AGTPBP1: variants seen among roughly 807,000 people sequenced by gnomAD.
AGTPBP1 encodes ATP/GTP binding carboxypeptidase 1, also known as cytosolic carboxypeptidase 1.
Under a neutral mutation model 143.9 loss-of-function variants are expected in AGTPBP1, and 70 were observed. That is an observed-to-expected ratio of 0.49 (90% CI 0.40 to 0.59). AGTPBP1 has a LOEUF of 0.59. AGTPBP1 is among the 20% of genes least tolerant of loss of function. The probability of loss-of-function intolerance (pLI) is 0.00; values close to 1 mark genes in which losing one functional copy is unlikely to be tolerated. For synonymous variants in AGTPBP1, 463 were observed against 500.2 expected (o/e 0.93, Z 0.99); for missense variants, 1,229 against 1,464.5 (o/e 0.84, Z 2.62).
At chr9:85,691,861 T>TA (rs1835899692) in intron 3 of AGTPBP1, among the ~76,000 whole-genome samples, 1 of 152,058 alleles carries the variant, frequency 6.6e-6, no homozygotes, top group Admixed American at 6.6e-5. Flanking sequence ...TCACAAAATA[T>TA]AAAAAAAGTC....
At chr9:85,587,589 T>G (rs1828696282) in intron 21 of AGTPBP1, among the ~76,000 whole-genome samples, 1 of 152,120 alleles carries the variant, frequency 6.6e-6, no homozygotes, top group Non-Finnish European at 1.5e-5. Context: ...ACATATTAAC[T>G]AAGAAGAAAT....
intron 25 of AGTPBP1, among the ~76,000 whole-genome samples, chr9:85,563,159 A>T (rs1486236394): frequency 6.6e-6 from 1 of 152,198 alleles, no homozygotes. Flanking sequence ...GCTCAAACAG[A>T]CCAAGACAGA....
chr9:85,574,214 G>A (rs1827742122), intron 25 of AGTPBP1, among the ~76,000 whole-genome samples: 1 of 151,894 alleles, frequency 6.6e-6, no homozygotes, highest in African/African-American at 2.4e-5. Context: ...GTCCACTCAG[G>A]GTTAAATGGA....
At chr9:85,759,822 T>C in the AGTPBP1 span, among the ~76,000 whole-genome samples, 1 of 151,760 alleles carries the variant, frequency 6.6e-6, no homozygotes, top group Non-Finnish European at 1.5e-5. Context: ...AAAAAATCAG[T>C]GAATCAAGGA....
At chr9:85,784,706 T>G in the AGTPBP1 span, among the ~76,000 whole-genome samples, 1,264 of 152,150 alleles carry the variant, frequency 8.3e-3, 19 homozygotes, top group African/African-American at 0.028. Flanking sequence ...GTTATTTGAT[T>G]TTGAGAGAAT....
the AGTPBP1 span, among the ~76,000 whole-genome samples, chr9:85,785,423 T>C: frequency 6.6e-6 from 1 of 152,248 alleles, no homozygotes; most frequent in African/African-American, 2.4e-5. Flanking sequence ...TTTTTCATCA[T>C]ATTAGGTCTA....
chr9:85,737,399 A>C lies in AGTPBP1; in HGVS notation c.-34+4376T>G, dbSNP rs115034244. On this transcript the variant is annotated intron_variant, in intron 1 of 25. Transcript: ENST00000357081. ...TATTTTGGCAGAGGTTTTCTCAGAA[A>C]TGAATAAACTGAGCTTGTCACTTTA... Among the ~76,000 whole-genome samples, 647 of 152,322 alleles carry C rather than the reference A, an allele frequency of 4.2e-3. 11 individuals are homozygous for C. Among genetic ancestry groups the C allele is most frequent in the African/African-American group, 0.015 (613 of 41,568 alleles).
chr9:85,655,110 C>A, intron 11 of AGTPBP1, 33 bp downstream of exon 11: 6 of 1,496,084 alleles, frequency 4.0e-6, no homozygotes, highest in South Asian at 1.4e-5. Context: ...TTCTAAGAAC[C>A]CACAAAAAGC....
Position 85,697,188 on chromosome 9 carries a change from AT to A in AGTPBP1, c.33-4376del, listed in dbSNP as rs545573987. ...TCAACAATACAACACACACAAAAAA[AT>A]GTATGTGTATATATATTTACACATA... On this transcript the variant is annotated intron_variant, in intron 2 of 25. Coordinates refer to ENST00000357081, the MANE Select transcript of AGTPBP1 (RefSeq NM_001330701.2). Among the ~76,000 whole-genome samples the A allele has an allele frequency of 4.1e-3, 619 of 152,258 alleles. 2 individuals carry two copies. The highest frequency in any genetic ancestry group is 0.014 in the African/African-American group (589 of 41,546).
At chr9:85,655,872 G>C (rs960848201) in intron 10 of AGTPBP1, among the ~76,000 whole-genome samples, 1 of 152,128 alleles carries the variant, frequency 6.6e-6, no homozygotes, top group African/African-American at 2.4e-5. Flanking sequence ...CTGTCACCCA[G>C]GCTGGAGTGA....
At chr9:85,601,023 G>A (rs1448372681) in intron 17 of AGTPBP1, among the ~76,000 whole-genome samples, 3 of 152,130 alleles carry the variant, frequency 2.0e-5, no homozygotes, top group African/African-American at 7.2e-5. Flanking sequence ...CAATTCCCTG[G>A]TAGCAACTCC....
chr9:85,600,730 G>A (rs1342967834), intron 17 of AGTPBP1, among the ~76,000 whole-genome samples: 1 of 152,158 alleles, frequency 6.6e-6, no homozygotes, highest in East Asian at 1.9e-4. Flanking sequence ...GCTCCAGAGA[G>A]TGAACTCACA....
intron 25 of AGTPBP1, among the ~76,000 whole-genome samples, chr9:85,550,661 C>T (rs548837617): frequency 1.2e-4 from 19 of 152,152 alleles, no homozygotes; most frequent in Admixed American, 7.9e-4. Flanking sequence ...GATATAGTCC[C>T]ATGACCGTCT....
intron 6 of AGTPBP1, among the ~76,000 whole-genome samples, chr9:85,675,022 G>C (rs894760732): frequency 5.3e-5 from 8 of 151,982 alleles, no homozygotes; most frequent in Admixed American, 4.6e-4. Context: ...TCAGCCTCCT[G>C]AGTAGCTGGG....
chr9:85,607,419 A>G (rs1168926404), intron 17 of AGTPBP1, among the ~76,000 whole-genome samples: 1 of 152,118 alleles, frequency 6.6e-6, no homozygotes, highest in African/African-American at 2.4e-5. Flanking sequence ...ATTTGGACAA[A>G]GTAAGTTGCC....
At chr9:85,637,680 G>C (rs924911105) in intron 13 of AGTPBP1, among the ~76,000 whole-genome samples, 2 of 152,162 alleles carry the variant, frequency 1.3e-5, no homozygotes, top group African/African-American at 2.4e-5. Context: ...GGGGCCCAAG[G>C]AGACTTTCTG....
At chr9:85,553,294 G>T (rs1043210651) in intron 25 of AGTPBP1, among the ~76,000 whole-genome samples, 1 of 152,190 alleles carries the variant, frequency 6.6e-6, no homozygotes, top group Non-Finnish European at 1.5e-5. Flanking sequence ...TCCCTGACTT[G>T]TAATAGTTCA....
At chr9:85,804,998 C>T in the AGTPBP1 span, among the ~76,000 whole-genome samples, 1 of 152,180 alleles carries the variant, frequency 6.6e-6, no homozygotes, top group East Asian at 1.9e-4. Context: ...GGGGAGTGGC[C>T]TGGAGTCTCA....
chr9:85,754,751 T>A, the AGTPBP1 span, among the ~76,000 whole-genome samples: 6 of 152,202 alleles, frequency 3.9e-5, no homozygotes, highest in Non-Finnish European at 7.3e-5. Flanking sequence ...TTACATTTTC[T>A]TAGTGACGTT....
Sources: gnomAD v4.1 joint callset for allele counts (sites outside exome capture counted in the v4.1 genomes callset) on GRCh38, gnomAD v4.1.1 for gene constraint, MANE v1.5 for transcripts, NCBI Gene and HGNC (gene_info 2026-07-23, HGNC 2026-07-21) for gene names.